The following PLCB3 variants were observed in gnomAD, a reference collection of about 807,000 sequenced individuals.
The protein encoded by PLCB3 is 1-phosphatidylinositol 4,5-bisphosphate phosphodiesterase beta-3.
Under a neutral mutation model 152.1 loss-of-function variants are expected in PLCB3, and 54 were observed. The observed-to-expected ratio is 0.36, with a 90% confidence interval of 0.29 to 0.45. PLCB3 has a LOEUF of 0.45. Ranked by LOEUF, PLCB3 falls within the 20% of genes least tolerant of loss-of-function variation. The pLI, the probability that PLCB3 is intolerant of heterozygous loss-of-function variation, is 1.00. For missense variants in PLCB3, 1,248 were observed against 1,687.5 expected, an observed-to-expected ratio of 0.74 and a Z score of 4.56; for synonymous variants, 717 against 698.7, an observed-to-expected ratio of 1.03 and a Z score of -0.41.
Position 64,258,038 on chromosome 11 carries a change from CAGCT to C in PLCB3, c.1013-433_1013-430del, listed in dbSNP as rs1018101607. ...GCATGGTGGTGGGCAACTGTAATCC[CAGCT>C]ACTCGGGAGGCTGAGGCAGGAGAAT... On this transcript the variant is annotated intron_variant, in intron 10 of 30. Transcript: ENST00000279230. The surrounding 1 kb of genome is among the most constrained non-coding windows in gnomAD (Gnocchi z 7.2). Among the ~76,000 whole-genome samples the C allele has an allele frequency of 6.6e-6, 1 of 151,818 alleles. No homozygotes were observed. Among genetic ancestry groups the C allele is most frequent in the Non-Finnish European group, 1.5e-5 (1 of 67,988 alleles).
chr11:64,268,791 G>A (rs1426171939), downstream of PLCB3: 1 of 152,326 alleles, frequency 6.6e-6, no homozygotes, highest in Non-Finnish European at 1.5e-5. Context: ...TCCAGGGGAA[G>A]GCGGCCTCTT....
rs1299061346 is a variant in PLCB3, at chr11:64,258,982, G to A, written c.1338+13G>A. The A allele has an allele frequency of 5.0e-6, 8 of 1,613,744 alleles. No homozygotes were observed. Among genetic ancestry groups the A allele is most frequent in the South Asian group, 3.3e-5 (3 of 91,086 alleles). On this transcript the variant is annotated intron_variant, in intron 12 of 30. Coordinates refer to ENST00000279230, the MANE Select transcript of PLCB3 (RefSeq NM_000932.5). This position sits in a 1 kb window ranked among gnomAD's most constrained non-coding sequence, Gnocchi z 7.2. ...GGACAAGTACCCGGTACGGGAGCTC[G>A]GAGCGAGGGGGGTGGCATGGGGGCC...
In PLCB3 at chr11:64,265,779, T is replaced by A. The variant is rs2032085435; in HGVS notation, c.3036-107T>A. The A allele has an allele frequency of 2.1e-6, 3 of 1,416,110 alleles. No homozygotes were observed. The Admixed American group carries it at 6.5e-5, about 31-fold the overall frequency. The allele number at this position is 1,416,110 out of a possible 1,614,324, so 87.7% of individuals were successfully genotyped here. A position where few individuals can be genotyped will look rare whatever the true frequency, so the allele number is the denominator to read the frequency against. On this transcript the variant is annotated intron_variant, in intron 25 of 30. Transcript: ENST00000279230. ...GGTTTGCATAACAGACCTGGCCCCA[T>A]GGGATGGTGTCTGCCATCGCTTGCC...
chr11:64,267,462 T>C lies in PLCB3; in HGVS notation c.3611T>C (p.Leu1204Pro), dbSNP rs1309352627. 6.4e-7 allele frequency: 1 copy of C among 1,559,632 alleles called. No individual in the cohort carries two copies. The highest frequency in any genetic ancestry group is 1.2e-5 in the South Asian group (1 of 85,292). The part of the protein sequence containing the change: ...EMPEGLGDGP[L>P]VACASNGHAP... ...CCGGAGGGGCTGGGGGACGGGCCTC[T>C]GGTGGCCTGTGCCAGCAACGGTCAC... is the stretch of plus-strand genomic sequence containing the variant. The change falls in exon 31 of 31, where the codon CTG becomes CCG. Residue 1204 changes from leucine to proline, a missense_variant. Transcript: ENST00000279230. This position sits in a 1 kb window ranked among gnomAD's most constrained non-coding sequence, Gnocchi z 5.2.
rs2031715536 is a variant in PLCB3, at chr11:64,259,240, G to T, written c.1521G>T (p.Gln507His). 1 of 1,532,006 alleles carries T rather than the reference G, an allele frequency of 6.5e-7. No homozygotes were observed. Among genetic ancestry groups the T allele is most frequent in the Non-Finnish European group, 8.8e-7 (1 of 1,139,676 alleles). 94.9% of individuals were successfully genotyped at this position (1,532,006 alleles called of 1,614,324 possible). A position where few individuals can be genotyped will look rare whatever the true frequency, so the allele number is the denominator to read the frequency against. The change falls in exon 13 of 31, where the codon CAG becomes CAT. Residue 507 changes from glutamine (Q) to histidine (H), a missense_variant. Coordinates refer to ENST00000279230, the MANE Select transcript of PLCB3 (RefSeq NM_000932.5). ...SSAATEPSSPQLGSPSSDSCP... is the reference protein window; with the variant it reads ...SSAATEPSSPHLGSPSSDSCP... ...CGGCCACCGAGCCCTCCTCCCCGCA[G>T]CTGGGTAGGCCCCAGCCCGGCCCGC...
At position 64,265,055 on chromosome 11, in the gene PLCB3, GC is replaced by G; in HGVS notation, c.2762del (p.Pro921LeufsTer92). ...GCCCACTGGATGCCTCCCCCCGCCG[GC>G]CCCCTGGCCCCACCACCTCCCCTGC... ...PSPLDASPRRPPGPTTSPAST... is the reference protein window; with the variant it reads ...PSPLDASPRRXPGPTTSPAST... On this transcript the variant is annotated frameshift_variant, in exon 23 of 31. Transcript: ENST00000279230. LOFTEE classifies it high-confidence loss of function. The G allele has an allele frequency of 2.4e-6, 3 of 1,261,282 alleles. No homozygotes were observed. The highest frequency in any genetic ancestry group is 2.1e-6 in the Non-Finnish European group (2 of 963,824). 78.1% of individuals were successfully genotyped at this position (1,261,282 alleles called of 1,614,324 possible). A position where few individuals can be genotyped will look rare whatever the true frequency, so the allele number is the denominator to read the frequency against.
In PLCB3 at chr11:64,265,933, C is replaced by G; in HGVS notation, c.3083C>G (p.Ala1028Gly). ...VEDTKEGEDE[A>G]KRYQEFQNRQ... is the part of the protein sequence containing the mutation. ...GACACGAAGGAGGGGGAGGACGAGG[C>G]AAAGCGGTATCAGGAGTTCCAGAAC... Residue 1028 changes from alanine (A) to glycine (G), a missense_variant, in exon 26 of 31, where the codon GCA becomes GGA. Ala to Gly is a moderately conservative substitution (Grantham distance 60, BLOSUM62 0). Around this residue, in one of 6 missense-constraint regions of PLCB3, gnomAD observed 477 missense variants for 489.6 expected, o/e 0.97. Coordinates refer to ENST00000279230, the MANE Select transcript of PLCB3 (RefSeq NM_000932.5). 6.2e-7 allele frequency: 1 copy of G among 1,613,638 alleles called. No individual in the cohort carries two copies. Among genetic ancestry groups the G allele is most frequent in the Non-Finnish European group, 8.5e-7 (1 of 1,180,004 alleles).
chr11:64,258,979 C>T lies in PLCB3; in HGVS notation c.1338+10C>T. The T allele has an allele frequency of 6.2e-7, 1 of 1,613,836 alleles. No homozygotes were observed. Among genetic ancestry groups the T allele is most frequent in the South Asian group, 1.1e-5 (1 of 91,082 alleles). On this transcript the variant is annotated intron_variant, in intron 12 of 30. Coordinates refer to ENST00000279230, the MANE Select transcript of PLCB3 (RefSeq NM_000932.5). This position sits in a 1 kb window ranked among gnomAD's most constrained non-coding sequence, Gnocchi z 7.2. The stretch of plus-strand genomic sequence containing the variant: ...TCTGGACAAGTACCCGGTACGGGAG[C>T]TCGGAGCGAGGGGGGTGGCATGGGG...
chr11:64,267,322 C>T lies in PLCB3; in HGVS notation c.3502-31C>T. The T allele has an allele frequency of 6.4e-7, 1 of 1,550,510 alleles. No homozygotes were observed. Among genetic ancestry groups the T allele is most frequent in the Non-Finnish European group, 8.7e-7 (1 of 1,146,606 alleles). On this transcript the variant is annotated intron_variant, in intron 30 of 30. Coordinates refer to ENST00000279230, the MANE Select transcript of PLCB3 (RefSeq NM_000932.5). The surrounding 1 kb of genome is among the most constrained non-coding windows in gnomAD (Gnocchi z 5.2). The stretch of plus-strand genomic sequence containing the variant: ...CAGACGGGGTGCAAGGCAGCCAGGC[C>T]TCGCCTGTGATGCCCATCCTTCTCC...
Position 64,266,850 on chromosome 11 carries a change from A to G in PLCB3, c.3414+298A>G, listed in dbSNP as rs2032147704. On this transcript the variant is annotated intron_variant, in intron 29 of 30. Coordinates refer to ENST00000279230, the MANE Select transcript of PLCB3 (RefSeq NM_000932.5). The surrounding 1 kb of genome is among the most constrained non-coding windows in gnomAD (Gnocchi z 4.9). ...AGTCTCACTCTGTCGCCCAGGCTGG[A>G]GTGCAGTGGCGCGATCTTGGCTCAC... 6.6e-6 allele frequency among the ~76,000 whole-genome samples: 1 copy of G among 151,804 alleles called. No homozygotes were observed. Among genetic ancestry groups the G allele is most frequent in the African/African-American group, 2.4e-5 (1 of 41,282 alleles).
chr11:64,269,064 C>G (rs535893371), downstream of PLCB3: 1 of 152,470 alleles, frequency 6.6e-6, no homozygotes, highest in South Asian at 2.1e-4. Flanking sequence ...CTGGTGTCCA[C>G]TGAGGGACAC....
chr11:64,258,454 CAG>C lies in PLCB3; in HGVS notation c.1013-16_1013-15del. 6.2e-7 allele frequency: 1 copy of C among 1,608,506 alleles called. No individual in the cohort carries two copies. The highest frequency in any genetic ancestry group is 8.5e-7 in the Non-Finnish European group (1 of 1,177,594). ...CTGGGCTGGTGGGCGGCCTCGGTGA[CAG>C]AGCCTCGCCGCCCCAGCGGGGCAGC... On this transcript the variant is annotated splice_polypyrimidine_tract_variant and intron_variant, in intron 10 of 30. Coordinates refer to ENST00000279230, the MANE Select transcript of PLCB3 (RefSeq NM_000932.5). The surrounding 1 kb of genome is among the most constrained non-coding windows in gnomAD (Gnocchi z 7.2).
rs2031445266 is a variant in PLCB3 at position 64,255,041 on chromosome 11, G to A, written c.387+3G>A. The A allele has an allele frequency of 6.4e-7, 1 of 1,568,818 alleles. No homozygotes were observed. The highest frequency in any genetic ancestry group is 1.4e-5 in the African/African-American group (1 of 73,996). On this transcript the variant is annotated splice_donor_region_variant and intron_variant, in intron 4 of 30. Transcript: ENST00000279230. This position sits in a 1 kb window ranked among gnomAD's most constrained non-coding sequence, Gnocchi z 6.8. ...CCGTGCAGGATGACACAGCCAAGGTGGGCTGGCACCAAGGGGACGAAGGGG... is the reference window on the plus strand; with the variant it reads ...CCGTGCAGGATGACACAGCCAAGGTAGGCTGGCACCAAGGGGACGAAGGGG...
chr11:64,264,200 C>T (rs2031998516), intron 22 of PLCB3, 88 bp downstream of exon 22: 3 of 885,856 alleles, frequency 3.4e-6, no homozygotes, highest in East Asian at 2.6e-5. Flanking sequence ...GAGGGGGCTT[C>T]TGGTCTCTCT....
chr11:64,257,177 T>C (rs1264769988), intron 10 of PLCB3, among the ~76,000 whole-genome samples: 3 of 152,142 alleles, frequency 2.0e-5, no homozygotes, highest in African/African-American at 7.2e-5. Context: ...GCTAATTTTG[T>C]ATTTTTAGTA....
rs1403053840 is a variant in PLCB3, at chr11:64,263,592, G to A, written c.2450G>A (p.Arg817His). 1.9e-6 allele frequency: 3 copies of A among 1,610,850 alleles called. No homozygotes were observed. The highest frequency in any genetic ancestry group is 1.1e-5 in the South Asian group (1 of 90,906). The part of the protein sequence containing the change: ...GHRILPVSAI[R>H]SGYHYVCLRN... Reference sequence around the variant, plus strand: ...CGGATCCTGCCTGTCTCTGCCATCCGCTCCGGTGAGGCCTTGGTGGGCTCT... The same window carrying A: ...CGGATCCTGCCTGTCTCTGCCATCCACTCCGGTGAGGCCTTGGTGGGCTCT... The change falls in exon 20 of 31, where the codon CGC becomes CAC. Residue 817 changes from arginine (R) to histidine (H), a missense_variant. By Grantham distance (29) the Arg-to-His change is conservative. Around this residue, in one of 6 missense-constraint regions of PLCB3, gnomAD observed 244 missense variants for 424.4 expected, o/e 0.57. Transcript: ENST00000279230.
At chr11:64,256,339 C>T (rs548652241) in intron 8 of PLCB3, 37 bp from the exon 9 acceptor site, 1 of 1,590,056 alleles carries the variant, frequency 6.3e-7, no homozygotes, top group Admixed American at 1.8e-5. Flanking sequence ...GGAGCCCTGC[C>T]AGGCTCCATC....
At chr11:64,262,137 G>C (rs778485775) in intron 17 of PLCB3, 61 bp downstream of exon 17, 33 of 1,603,564 alleles carry the variant, frequency 2.1e-5, no homozygotes, top group Non-Finnish European at 2.7e-5. Context: ...TCTGACCCAC[G>C]ATCCTGCTGG....
rs764552814 is a variant in PLCB3 at position 64,266,171 on chromosome 11, C to G, written c.3235C>G (p.Gln1079Glu). 1.1e-5 allele frequency: 17 copies of G among 1,614,096 alleles called. No individual in the cohort carries two copies. The highest frequency in any genetic ancestry group is 1.2e-5 in the Non-Finnish European group (14 of 1,180,014). The change falls in exon 27 of 31, where the codon CAG becomes GAG. Residue 1079 changes from glutamine (Q) to glutamate (E), a missense_variant. This residue lies in a region of PLCB3 where 477 missense variants were observed against 489.6 expected (regional missense o/e 0.97). Coordinates refer to ENST00000279230, the MANE Select transcript of PLCB3 (RefSeq NM_000932.5). This position sits in a 1 kb window ranked among gnomAD's most constrained non-coding sequence, Gnocchi z 4.9. ...GGTCGTCCTTGATGCAAACACAACT[C>G]AGTTCAAGAGGCTGAAAGAGATGAA... ...REVVLDANTT[Q>E]FKRLKEMNER...
Sources: gnomAD v4.1 joint callset for allele counts (sites outside exome capture counted in the v4.1 genomes callset) on GRCh38, gnomAD v4.1.1 for gene constraint, gnomAD v4.1.1 regional missense constraint, Gnocchi (gnomAD v3.1) non-coding constraint, MANE v1.5 for transcripts, NCBI Gene and HGNC (gene_info 2026-07-23, HGNC 2026-07-21) for gene names.